The following WDR49 variants were observed in gnomAD, a reference collection of about 807,000 sequenced individuals.
The protein encoded by WDR49 is WD repeat domain 49, also known as cilia- and flagella-associated protein 337.
Under a neutral mutation model 119.5 loss-of-function variants are expected in WDR49, and 107 were observed. That is an observed-to-expected ratio of 0.90 (90% CI 0.77 to 1.05). WDR49 has a LOEUF of 1.05. WDR49 is among the 50% of genes least tolerant of loss of function. The probability of loss-of-function intolerance (pLI) is 0.00; values close to 1 mark genes in which losing one functional copy is unlikely to be tolerated. For synonymous variants in WDR49, 425 were observed against 418.8 expected, an observed-to-expected ratio of 1.01 and a Z score of -0.18; for missense variants, 1,240 against 1,220.5, an observed-to-expected ratio of 1.02 and a Z score of -0.24.
intron 7 of WDR49, among the ~76,000 whole-genome samples, chr3:167,581,172 TATC>T (rs1714510571): frequency 6.6e-6 from 1 of 152,206 alleles, no homozygotes; most frequent in African/African-American, 2.4e-5. Flanking sequence ...TAATTAGTAA[TATC>T]ATATAGCTTT....
At chr3:167,620,764 T>A (rs914717779) in intron 4 of WDR49, among the ~76,000 whole-genome samples, 161 bp from the exon 5 acceptor site, 23 of 152,150 alleles carry the variant, frequency 1.5e-4, no homozygotes, top group Non-Finnish European at 3.1e-4. Flanking sequence ...ACAGAACAAT[T>A]ATTAGTTTGG....
Position 167,522,225 on chromosome 3 carries a change from C to T in WDR49, c.2774+90G>A. 11 of 1,323,136 alleles carry T rather than the reference C, an allele frequency of 8.3e-6. No homozygotes were observed. The South Asian group carries it at 1.8e-4, about 22-fold the overall frequency. 82.0% of individuals were successfully genotyped at this position (1,323,136 alleles called of 1,614,324 possible). Reference sequence around the variant, plus strand: ...AATCTTGAGGTAGTCATTGAACATTCCACAGAGGACACAAGGAAATTTGGA... The same window carrying T: ...AATCTTGAGGTAGTCATTGAACATTTCACAGAGGACACAAGGAAATTTGGA... On this transcript the variant is annotated intron_variant, in intron 16 of 18. Coordinates refer to ENST00000682715, the MANE Select transcript of WDR49 (RefSeq NM_001366157.1).
At chr3:167,629,120 C>T (rs1343345914) in intron 2 of WDR49, among the ~76,000 whole-genome samples, 1 of 151,988 alleles carries the variant, frequency 6.6e-6, no homozygotes, top group Non-Finnish European at 1.5e-5. Context: ...AGTTGGGCAT[C>T]GTGAGCCTGT....
At chr3:167,541,232 C>T (rs1321820722) in intron 10 of WDR49, among the ~76,000 whole-genome samples, 1 of 152,194 alleles carries the variant, frequency 6.6e-6, no homozygotes, top group Non-Finnish European at 1.5e-5. Context: ...AAAAGATCAT[C>T]GCCCAGGCAC....
At chr3:167,582,157 T>C (rs1053448746) in intron 7 of WDR49, among the ~76,000 whole-genome samples, 13 of 151,662 alleles carry the variant, frequency 8.6e-5, no homozygotes, top group Non-Finnish European at 1.3e-4. Context: ...TTGCAGATAA[T>C]AGGATAACAG....
rs909206858 is a variant in WDR49 at position 167,652,015 on chromosome 3, T to A, written c.165+1246A>T. Among the ~76,000 whole-genome samples the A allele has an allele frequency of 2.0e-5, 3 of 152,192 alleles. No homozygotes were observed. The East Asian group carries it at 5.8e-4, about 29-fold the overall frequency. The stretch of plus-strand genomic sequence containing the variant: ...AAAGCTGTCATAATCTGCTGTTATG[T>A]TTTACTGAATGTCCTCAAGCTGTCA... On this transcript the variant is annotated intron_variant, in intron 2 of 18. Coordinates refer to ENST00000682715, the MANE Select transcript of WDR49 (RefSeq NM_001366157.1).
At chr3:167,552,010 G>GA (rs1318596606) in intron 10 of WDR49, among the ~76,000 whole-genome samples, 1 of 151,866 alleles carries the variant, frequency 6.6e-6, no homozygotes, top group Non-Finnish European at 1.5e-5. Flanking sequence ...TTAGCCAAAT[G>GA]AAAAAATTTT....
intron 7 of WDR49, among the ~76,000 whole-genome samples, chr3:167,580,560 T>C (rs1157483965): frequency 6.6e-6 from 1 of 152,186 alleles, no homozygotes; most frequent in Non-Finnish European, 1.5e-5. Context: ...AGGTCAATGA[T>C]AATCTCCTTG....
At chr3:167,565,412 C>CAT (rs144511770) in intron 8 of WDR49, among the ~76,000 whole-genome samples, 37,631 of 146,810 alleles carry the variant, frequency 0.26, 5,343 homozygotes, top group South Asian at 0.3. Context: ...CACACACACA[C>CAT]TTATATGTAA....
intron 2 of WDR49, among the ~76,000 whole-genome samples, chr3:167,646,795 G>A (rs1718149368): frequency 6.6e-6 from 1 of 152,106 alleles, no homozygotes; most frequent in African/African-American, 2.4e-5. Flanking sequence ...TAATGTCTCT[G>A]GTAATGCCTC....
chr3:167,530,103 T>G (rs1331166532), intron 13 of WDR49, among the ~76,000 whole-genome samples: 1 of 152,036 alleles, frequency 6.6e-6, no homozygotes, highest in Non-Finnish European at 1.5e-5. Context: ...TTCTAGAAAA[T>G]GGAAAGTTTT....
At chr3:167,614,951 C>A (rs1716524000) in intron 5 of WDR49, among the ~76,000 whole-genome samples, 1 of 152,170 alleles carries the variant, frequency 6.6e-6, no homozygotes, top group Non-Finnish European at 1.5e-5. Context: ...GACAAAGGAA[C>A]AGAATCCAAA....
At chr3:167,654,967 C>T (rs1718550363), upstream of WDR49, among the ~76,000 whole-genome samples, 1 of 151,228 alleles carries the variant, frequency 6.6e-6, no homozygotes. Context: ...CGGAAGAGAA[C>T]AGAATGGCTC....
chr3:167,489,288 A>G (rs1246336372), intron 18 of WDR49, among the ~76,000 whole-genome samples: 1 of 152,022 alleles, frequency 6.6e-6, no homozygotes, highest in Non-Finnish European at 1.5e-5. Flanking sequence ...CAGGCATGCA[A>G]AGGGGTTGGC....
intron 10 of WDR49, among the ~76,000 whole-genome samples, chr3:167,549,174 G>A (rs1712394748): frequency 6.6e-6 from 1 of 152,116 alleles, no homozygotes; most frequent in South Asian, 2.1e-4. Flanking sequence ...TGTCTTTATA[G>A]CAGCATGATT....
At chr3:167,572,469 C>G (rs1326609546) in intron 8 of WDR49, among the ~76,000 whole-genome samples, 1 of 152,158 alleles carries the variant, frequency 6.6e-6, no homozygotes, top group Non-Finnish European at 1.5e-5. Context: ...TCATTAAATT[C>G]AAGCAAAGGG....
intron 3 of WDR49, among the ~76,000 whole-genome samples, chr3:167,622,009 A>G (rs1408915840): frequency 6.6e-6 from 1 of 152,140 alleles, no homozygotes; most frequent in African/African-American, 2.4e-5. Context: ...TTATGATGCA[A>G]GTAGAGACTT....
At chr3:167,630,273 C>T (rs1307528140) in intron 2 of WDR49, among the ~76,000 whole-genome samples, 2 of 152,072 alleles carry the variant, frequency 1.3e-5, no homozygotes, top group African/African-American at 4.8e-5. Flanking sequence ...AAAAACATTA[C>T]CTCTCGCCAA....
chr3:167,567,669 A>G (rs1713686016), intron 8 of WDR49, among the ~76,000 whole-genome samples: 1 of 152,168 alleles, frequency 6.6e-6, no homozygotes, highest in Non-Finnish European at 1.5e-5. Context: ...AATGAGCCTT[A>G]AAGGCCCTCA....
Sources: gnomAD v4.1 joint callset for allele counts (sites outside exome capture counted in the v4.1 genomes callset) on GRCh38, gnomAD v4.1.1 for gene constraint, MANE v1.5 for transcripts, NCBI Gene and HGNC (gene_info 2026-07-23, HGNC 2026-07-21) for gene names.